The following AKIRIN2 variants were observed in gnomAD, a reference collection of about 807,000 sequenced individuals.
AKIRIN2 encodes the protein akirin-2.
Under a neutral mutation model 29.3 loss-of-function variants are expected in AKIRIN2, and 6 were observed. The ratio of observed to expected loss-of-function variants is 0.20; its 90% CI spans 0.11 to 0.40. AKIRIN2 has a LOEUF of 0.40. Among genes scored for constraint, AKIRIN2 ranks in the 10% least tolerant of loss-of-function variants. The pLI is 1.00. For missense variants in AKIRIN2, 210 were observed against 276.1 expected (o/e 0.76, Z 1.70); for synonymous variants, 128 against 117.5 (o/e 1.09, Z -0.58).
rs1285813441 is a variant in AKIRIN2, at chr6:87,701,485, G to A, written c.200C>T (p.Ser67Phe). ...GCGGGAGGAGACGTCGCCGAAGGGG[G>A]ATGGCTCCATTCGGAGATACTTCTG... ...SPQKYLRMEP[S>F]PFGDVSSRLT... The change falls in exon 1 of 5, where the codon TCC (serine) becomes TTC (phenylalanine). Residue 67 changes from serine to phenylalanine, a missense_variant. Ser to Phe is a radical substitution (Grantham distance 155). Transcript: ENST00000257787. The A allele has an allele frequency of 1.3e-6, 2 of 1,506,490 alleles. No homozygotes were observed. The highest frequency in any genetic ancestry group is 1.2e-5 in the South Asian group (1 of 80,672). The allele number at this position is 1,506,490 out of a possible 1,614,324, so 93.3% of individuals were successfully genotyped here.
chr6:87,678,500 C>T (rs78231545), intron 2 of AKIRIN2, among the ~76,000 whole-genome samples: 95 of 151,878 alleles, frequency 6.3e-4, no homozygotes, highest in Middle Eastern at 3.4e-3. Context: ...GAAACTCCAT[C>T]TCAAAAAAAT....
chr6:87,701,802 G>A lies in AKIRIN2; in HGVS notation c.-118C>T, dbSNP rs1357827027. On this transcript the variant is annotated 5_prime_UTR_variant, in exon 1 of 5. Coordinates refer to ENST00000257787, the MANE Select transcript of AKIRIN2 (RefSeq NM_018064.4). ...AGGAGAGCCTACCCGACGGGCTCAG[G>A]AGCCAAGCGGGTCGCGGAGCGCCGG... 3 of 711,604 alleles carry A rather than the reference G, an allele frequency of 4.2e-6. No individual in the cohort carries two copies. The highest frequency in any genetic ancestry group is 1.9e-5 in the African/African-American group (1 of 53,232). The allele number at this position is 711,604 out of a possible 1,614,324, so 44.1% of individuals were successfully genotyped here. A position where few individuals can be genotyped will look rare whatever the true frequency, so the allele number is the denominator to read the frequency against.
At chr6:87,691,045 C>G (rs2128302277) in intron 1 of AKIRIN2, among the ~76,000 whole-genome samples, 1 of 152,266 alleles carries the variant, frequency 6.6e-6, no homozygotes, top group East Asian at 1.9e-4. Context: ...TCTTATTTAT[C>G]CCATGTATTT....
chr6:87,681,861 T>C lies in AKIRIN2; in HGVS notation c.236-98A>G, dbSNP rs1274696219. 8 of 1,003,384 alleles carry C rather than the reference T, an allele frequency of 8.0e-6. No individual in the cohort carries two copies. In the South Asian group the frequency reaches 1.3e-4, roughly 16 times the overall value. 62.2% of individuals were successfully genotyped at this position (1,003,384 alleles called of 1,614,324 possible). A position where few individuals can be genotyped will look rare whatever the true frequency, so the allele number is the denominator to read the frequency against. On this transcript the variant is annotated intron_variant, in intron 1 of 4. Transcript: ENST00000257787. ...ATTTAGTAGACCAATCTACCCAAAA[T>C]ACTCCTTTCAAATAATATCCAGAAA... is the stretch of plus-strand genomic sequence containing the variant.
Position 87,675,886 on chromosome 6 carries a change from C to T in AKIRIN2, c.575G>A (p.Arg192Gln), listed in dbSNP as rs763325591. 4.8e-5 allele frequency: 77 copies of T among 1,613,656 alleles called. No individual in the cohort carries two copies. Among genetic ancestry groups the T allele is most frequent in the Admixed American group, 2.3e-4 (14 of 59,930 alleles). Residue 192 changes from arginine (R) to glutamine (Q), a missense_variant, in exon 4 of 5, where the codon CGA (arginine) becomes CAA (glutamine). Arg to Gln is a conservative substitution (Grantham distance 43, BLOSUM62 1). Coordinates refer to ENST00000257787, the MANE Select transcript of AKIRIN2 (RefSeq NM_018064.4). ...FVKFTHDQIM[R>Q]RYGEQPASYV... Reference sequence around the variant, plus strand: ...GCTAGCAGGCTGTTCTCCATATCGTCGCATTATTTGATCATGCGTAAACTT... The same window carrying T: ...GCTAGCAGGCTGTTCTCCATATCGTTGCATTATTTGATCATGCGTAAACTT...
chr6:87,677,026 A>G lies in AKIRIN2; in HGVS notation c.529+792T>C, dbSNP rs1562395867. 2.0e-5 allele frequency among the ~76,000 whole-genome samples: 3 copies of G among 151,866 alleles called. No individual in the cohort carries two copies. The East Asian group carries it at 5.8e-4, about 29-fold the overall frequency. On this transcript the variant is annotated intron_variant, in intron 3 of 4. Coordinates refer to ENST00000257787, the MANE Select transcript of AKIRIN2 (RefSeq NM_018064.4). Reference sequence around the variant, plus strand: ...CGGAAAGTAGAGCTTGCAGTGAGCCAAGACTGCGCCACTGCACTCCAGCCT... The same window carrying G: ...CGGAAAGTAGAGCTTGCAGTGAGCCGAGACTGCGCCACTGCACTCCAGCCT...
chr6:87,689,478 A>C (rs2128302091), intron 1 of AKIRIN2, among the ~76,000 whole-genome samples: 1 of 152,232 alleles, frequency 6.6e-6, no homozygotes, highest in African/African-American at 2.4e-5. Context: ...ACTCGGTCTC[A>C]AACAAAAAAA....
chr6:87,692,537 C>T (rs749664577), intron 1 of AKIRIN2, among the ~76,000 whole-genome samples: 10 of 152,210 alleles, frequency 6.6e-5, no homozygotes, highest in Non-Finnish European at 1.5e-4. Context: ...ATGGGCTGGG[C>T]GCGGTGGCTC....
intron 3 of AKIRIN2, among the ~76,000 whole-genome samples, chr6:87,677,200 G>C (rs534159600): frequency 1.3e-5 from 2 of 152,104 alleles, no homozygotes; most frequent in East Asian, 1.9e-4. Context: ...GATAACAAAA[G>C]CTAACAACAA....
chr6:87,675,653 T>C (rs1476645671), intron 4 of AKIRIN2, 46 bp from the exon 5 acceptor site: 8 of 1,607,446 alleles, frequency 5.0e-6, no homozygotes, highest in Non-Finnish European at 6.8e-6. Flanking sequence ...CAGGTCAAAA[T>C]CCAAACGAAT....
chr6:87,699,835 A>C (rs1371854228), intron 1 of AKIRIN2, among the ~76,000 whole-genome samples: 1 of 152,238 alleles, frequency 6.6e-6, no homozygotes, highest in Non-Finnish European at 1.5e-5. Flanking sequence ...ATAGTACTTT[A>C]ATTCCCAAAC....
chr6:87,692,551 C>T (rs1378016877), intron 1 of AKIRIN2, among the ~76,000 whole-genome samples: 1 of 152,232 alleles, frequency 6.6e-6, no homozygotes, highest in Non-Finnish European at 1.5e-5. Flanking sequence ...GTGGCTCATG[C>T]CTGTAATCCC....
At chr6:87,690,291 G>C (rs1355064584) in intron 1 of AKIRIN2, among the ~76,000 whole-genome samples, 4 of 151,782 alleles carry the variant, frequency 2.6e-5, no homozygotes, top group African/African-American at 9.7e-5. Context: ...GACATACTAA[G>C]GAGTGGAGAG....
At chr6:87,687,664 T>C (rs750321316) in intron 1 of AKIRIN2, among the ~76,000 whole-genome samples, 11 of 152,180 alleles carry the variant, frequency 7.2e-5, no homozygotes, top group Non-Finnish European at 1.5e-4. Flanking sequence ...CTGGTACATA[T>C]AGCCAATGAT....
At chr6:87,675,646 G>A in intron 4 of AKIRIN2, 39 bp from the exon 5 acceptor site, 1 of 1,610,946 alleles carries the variant, frequency 6.2e-7, no homozygotes, top group Non-Finnish European at 8.5e-7. Context: ...CAAAATACAG[G>A]TCAAAATCCA....
intron 2 of AKIRIN2, among the ~76,000 whole-genome samples, chr6:87,680,086 C>A (rs998777157): frequency 6.6e-6 from 1 of 152,146 alleles, no homozygotes; most frequent in African/African-American, 2.4e-5. Flanking sequence ...CTTAAGACTG[C>A]CAGTTAACTG....
intron 2 of AKIRIN2, among the ~76,000 whole-genome samples, 164 bp downstream of exon 2, chr6:87,681,456 C>G (rs1428098608): frequency 6.6e-6 from 1 of 152,128 alleles, no homozygotes; most frequent in Non-Finnish European, 1.5e-5. Flanking sequence ...GTGGTAACTC[C>G]TTATTTTGTA....
chr6:87,697,920 G>A (rs1248142604), intron 1 of AKIRIN2, among the ~76,000 whole-genome samples: 1 of 152,194 alleles, frequency 6.6e-6, no homozygotes, highest in African/African-American at 2.4e-5. Context: ...GGTATCTTCA[G>A]ACCATTCATT....
intron 1 of AKIRIN2, among the ~76,000 whole-genome samples, chr6:87,694,509 A>T (rs951233537): frequency 3.9e-5 from 6 of 152,208 alleles, no homozygotes; most frequent in Admixed American, 3.3e-4. Context: ...AATGAGGTTC[A>T]TAAGGGTTCG....
Sources: gnomAD v4.1 joint callset for allele counts (sites outside exome capture counted in the v4.1 genomes callset) on GRCh38, gnomAD v4.1.1 for gene constraint, MANE v1.5 for transcripts, NCBI Gene and HGNC (gene_info 2026-07-23, HGNC 2026-07-21) for gene names.